The following KANSL3 variants were observed in gnomAD, a reference collection of about 807,000 sequenced individuals.
KANSL3 encodes NSL complex protein NSL3.
A neutral mutation model predicts 89.2 loss-of-function variants in KANSL3; 16 were observed. That is an observed-to-expected ratio of 0.18 (90% CI 0.12 to 0.27). The LOEUF (loss-of-function observed/expected upper bound fraction) is 0.27. KANSL3 is among the 10% of genes least tolerant of loss of function. The pLI is 1.00. For synonymous variants in KANSL3, 385 were observed against 419.7 expected (o/e 0.92, Z 1.01); for missense variants, 879 against 1,110.6 (o/e 0.79, Z 2.96).
the KANSL3 span, among the ~76,000 whole-genome samples, chr2:96,585,000 A>T: frequency 6.6e-6 from 1 of 152,230 alleles, no homozygotes; most frequent in Non-Finnish European, 1.5e-5. Flanking sequence ...CATTAGTCTG[A>T]TTCTGGCTCA....
chr2:96,588,479 AAG>A (rs1313387114), downstream of KANSL3, among the ~76,000 whole-genome samples: 1 of 152,244 alleles, frequency 6.6e-6, no homozygotes, highest in African/African-American at 2.4e-5. Context: ...AGACTGGCTA[AAG>A]AGAGTTCTCT....
intron 5 of KANSL3, among the ~76,000 whole-genome samples, chr2:96,618,660 T>G (rs2070677925): frequency 6.6e-6 from 1 of 152,212 alleles, no homozygotes; most frequent in South Asian, 2.1e-4. Flanking sequence ...TTAATTTTCA[T>G]AAAAATCCTA....
At position 96,609,208 on chromosome 2, in the gene KANSL3, C is replaced by T. The variant is rs560968155; in HGVS notation, c.1384-144G>A. On this transcript the variant is annotated intron_variant, in intron 12 of 20. Coordinates refer to ENST00000431828, the MANE Select transcript of KANSL3 (RefSeq NM_001115016.3). ...CCTTCCCCACTCAAACAAGGTCTGG[C>T]GCAAATCCCAGGCTTCTGAGCAACT... 14 of 816,514 alleles carry T rather than the reference C, an allele frequency of 1.7e-5. 1 individual carries two copies. Among genetic ancestry groups the T allele is most frequent in the South Asian group, 1.1e-4 (6 of 55,386 alleles). 50.6% of individuals were successfully genotyped at this position (816,514 alleles called of 1,614,324 possible).
chr2:96,601,905 A>T, intron 19 of KANSL3, 129 bp from the exon 20 acceptor site: 1 of 1,386,480 alleles, frequency 7.2e-7, no homozygotes, highest in Non-Finnish European at 9.5e-7. Flanking sequence ...TGGGTCATCT[A>T]TGCCCTATCA....
intron 9 of KANSL3, 86 bp from the exon 10 acceptor site, chr2:96,611,224 AC>A: frequency 9.4e-7 from 1 of 1,061,870 alleles, no homozygotes; most frequent in Non-Finnish European, 1.5e-6. Context: ...GTCCAGACCC[AC>A]CAGACAGTCT....
intron 2 of KANSL3, among the ~76,000 whole-genome samples, chr2:96,635,093 C>T (rs963289608): frequency 2.2e-4 from 34 of 152,198 alleles, no homozygotes; most frequent in Admixed American, 6.5e-4. Flanking sequence ...CCATCTCAGT[C>T]CATTGCAGTG....
chr2:96,608,487 C>A lies in KANSL3; in HGVS notation c.1741+21G>T, dbSNP rs371659486. 186 of 1,612,984 alleles carry A rather than the reference C, an allele frequency of 1.2e-4. No homozygotes were observed. The Middle Eastern group carries it at 1.3e-3, about 12-fold the overall frequency. ...CTACAGAAGACAGACCCAAGAGGAG[C>A]CACTGGCCAAGTGCCTATACCTTGA... On this transcript the variant is annotated intron_variant, in intron 14 of 20. Transcript: ENST00000431828.
chr2:96,589,052 G>C (rs933509531), downstream of KANSL3, among the ~76,000 whole-genome samples: 1 of 152,136 alleles, frequency 6.6e-6, no homozygotes. Flanking sequence ...ACATTTTGGA[G>C]CAACCACTAA....
At chr2:96,616,878 G>A (rs2070242175) in intron 5 of KANSL3, among the ~76,000 whole-genome samples, 1 of 152,162 alleles carries the variant, frequency 6.6e-6, no homozygotes. Context: ...CCCAGGAGAT[G>A]TCCAGTCAGT....
At position 96,608,975 on chromosome 2, in the gene KANSL3, C is replaced by G; in HGVS notation, c.1473G>C (p.Lys491Asn). ...SEPRDQDAEK[K>N]KKPRDVARRD... Reference sequence around the variant, plus strand: ...TGCGGGCCACATCGCGGGGCTTCTTCTTCTTCTCAGCATCCTGATCCCGAG... The same window carrying G: ...TGCGGGCCACATCGCGGGGCTTCTTGTTCTTCTCAGCATCCTGATCCCGAG... Residue 491 changes from lysine (K) to asparagine (N), a missense_variant, in exon 13 of 21, where the codon AAG becomes AAC. Transcript: ENST00000431828. 6.4e-7 allele frequency: 1 copy of G among 1,562,998 alleles called. No individual in the cohort carries two copies. The highest frequency in any genetic ancestry group is 1.2e-5 in the South Asian group (1 of 84,734).
rs1411971579 is a variant in KANSL3 at position 96,595,589 on chromosome 2, G to C, written c.*22C>G. On this transcript the variant is annotated 3_prime_UTR_variant, in exon 21 of 21. Coordinates refer to ENST00000431828, the MANE Select transcript of KANSL3 (RefSeq NM_001115016.3). ...AGGCAGCCATCACCAACTTGGTAAG[G>C]AGGACATATCACACAGCATCTTCAG... 6 of 1,613,500 alleles carry C rather than the reference G, an allele frequency of 3.7e-6. No individual in the cohort carries two copies. The highest frequency in any genetic ancestry group is 5.1e-6 in the Non-Finnish European group (6 of 1,179,696).
chr2:96,616,102 G>A (rs894129859), intron 5 of KANSL3, among the ~76,000 whole-genome samples: 1 of 151,976 alleles, frequency 6.6e-6, no homozygotes, highest in Admixed American at 6.6e-5. Flanking sequence ...GCTTATTCCA[G>A]GCACAGATGG....
chr2:96,601,610 GC>G (rs1410968792), intron 20 of KANSL3, 32 bp downstream of exon 20: 2 of 1,606,672 alleles, frequency 1.2e-6, no homozygotes, highest in African/African-American at 2.7e-5. Flanking sequence ...CAATAATGAA[GC>G]CCATGTCCTC....
rs923022736 is a variant in KANSL3, at chr2:96,605,328, G to C, written c.1925C>G (p.Ala642Gly). The C allele has an allele frequency of 1.1e-5, 17 of 1,609,192 alleles. No homozygotes were observed. The highest frequency in any genetic ancestry group is 8.8e-5 in the South Asian group (8 of 90,898). The change falls in exon 15 of 21, where the codon GCT (alanine) becomes GGT (glycine). Residue 642 changes from alanine (A) to glycine (G), a missense_variant. By Grantham distance (60) the Ala-to-Gly change is moderately conservative (BLOSUM62 0). Around this residue, in one of 6 missense-constraint regions of KANSL3, gnomAD observed 317 missense variants for 311.2 expected, o/e 1.02. Transcript: ENST00000431828. ...GGPCAPSQGS[A>G]PEAAGGKPIT... The stretch of plus-strand genomic sequence containing the variant: ...TACCAAGAGAAACTCACCTTCTGGA[G>C]CACTTCCTTGGGAAGGAGCACAAGG...
chr2:96,631,590 G>T, intron 2 of KANSL3, 108 bp from the exon 3 acceptor site: 2 of 1,295,852 alleles, frequency 1.5e-6, no homozygotes, highest in African/African-American at 1.5e-5. Context: ...TTTAAATTAC[G>T]CATAAGCACA....
intron 5 of KANSL3, among the ~76,000 whole-genome samples, chr2:96,613,934 A>T (rs1223049315): frequency 1.3e-5 from 2 of 152,218 alleles, no homozygotes; most frequent in Non-Finnish European, 2.9e-5. Flanking sequence ...AGAAACAAAA[A>T]CACACACAAA....
chr2:96,619,475 C>A lies in KANSL3; in HGVS notation c.547G>T (p.Ala183Ser), dbSNP rs1312765173. Reference protein sequence around the residue: ...KCARRVRQALASVSWDTKLIQ... With the variant: ...KCARRVRQALSSVSWDTKLIQ... ...AGCTTGGTATCCCAGCTCACACTTG[C>A]CAGAGCCTGCCGCACTCTCCTTGCA... Residue 183 changes from alanine (A) to serine (S), a missense_variant, in exon 5 of 21, where the codon GCA becomes TCA. Coordinates refer to ENST00000431828, the MANE Select transcript of KANSL3 (RefSeq NM_001115016.3). 3.1e-6 allele frequency: 5 copies of A among 1,614,046 alleles called. No homozygotes were observed. The highest frequency in any genetic ancestry group is 4.2e-6 in the Non-Finnish European group (5 of 1,179,902).
intron 7 of KANSL3, 123 bp downstream of exon 7, chr2:96,612,695 A>T (rs2069222238): frequency 9.2e-7 from 1 of 1,090,602 alleles, no homozygotes; most frequent in South Asian, 1.4e-5. Context: ...CACATGAAAG[A>T]AGGGTTAGAG....
intron 20 of KANSL3, chr2:96,598,196 C>A: frequency 1.1e-6 from 1 of 893,928 alleles, no homozygotes; most frequent in Non-Finnish European, 1.3e-6. Flanking sequence ...TAGGTCACTT[C>A]TATCAACCCA....
Sources: allele counts gnomAD v4.1 joint callset (sites outside exome capture counted in the v4.1 genomes callset), GRCh38; gene constraint gnomAD v4.1.1; regional missense constraint gnomAD v4.1.1; transcripts MANE v1.5; gene names NCBI Gene and HGNC (gene_info 2026-07-23, HGNC 2026-07-21).